Variants in GJA3 observed in about 807,000 individuals in gnomAD.
GJA3 encodes gap junction alpha-3 protein.
For missense variants in GJA3, 571 were observed against 620.3 expected (o/e 0.92, Z 0.84); for synonymous variants, 297 against 292.6 (o/e 1.02, Z -0.15).
At chr13:20,152,154 A>C (rs1033435134) in intron 1 of GJA3, among the ~76,000 whole-genome samples, 11 of 152,086 alleles carry the variant, frequency 7.2e-5, no homozygotes, top group Admixed American at 4.6e-4. Flanking sequence ...GTTGTCACCA[A>C]GTGGCCCTGG....
chr13:20,156,429 C>T (rs913010931), intron 1 of GJA3, among the ~76,000 whole-genome samples: 6 of 152,154 alleles, frequency 3.9e-5, no homozygotes, highest in Admixed American at 6.6e-5. Flanking sequence ...GCCTCATCCT[C>T]CCAAGTAGCT....
In GJA3 at chr13:20,148,681, C is replaced by T. The variant is rs114960146; in HGVS notation, c.-17-5376G>A. 8.1e-3 allele frequency among the ~76,000 whole-genome samples: 1,232 copies of T among 152,332 alleles called. 14 individuals carry two copies. The highest frequency in any genetic ancestry group is 0.027 in the African/African-American group (1,111 of 41,564). On this transcript the variant is annotated intron_variant, in intron 1 of 1. Transcript: ENST00000241125. ...AGGCAGAGGATGAGAGAAGGTATGC[C>T]AGGACTGACAGAGGCTGAGGTCAGG...
rs746511873 is a variant in GJA3 at position 20,142,634 on chromosome 13, T to C, written c.655A>G (p.Met219Val). ...CAGCCCAGGTGGTAGATCTCCAGCA[T>C]GTTGAGCAGCAGGGACGCGCAGGCC... ...AVACASLLLN[M>V]LEIYHLGWKK... Residue 219 changes from methionine (M) to valine (V), a missense_variant, in exon 2 of 2, where the codon ATG (methionine) becomes GTG (valine). Transcript: ENST00000241125. The C allele has an allele frequency of 1.2e-5, 20 of 1,613,232 alleles. No homozygotes were observed. In the Admixed American group the frequency reaches 3.0e-4, roughly 24 times the overall value.
chr13:20,152,438 G>A (rs1958884050), intron 1 of GJA3, among the ~76,000 whole-genome samples: 1 of 152,100 alleles, frequency 6.6e-6, no homozygotes, highest in Admixed American at 6.5e-5. Flanking sequence ...AGGCTGGAGT[G>A]CAGTGGTACA....
intron 1 of GJA3, among the ~76,000 whole-genome samples, chr13:20,144,122 A>G (rs1382536056): frequency 1.3e-5 from 2 of 152,196 alleles, no homozygotes; most frequent in African/African-American, 2.4e-5. Context: ...CACTATTAGG[A>G]TAGAAACAGA....
chr13:20,141,838 C>T lies in GJA3; in HGVS notation c.*143G>A, dbSNP rs1423607434. The T allele has an allele frequency of 2.5e-6, 3 of 1,221,098 alleles. No homozygotes were observed. Among genetic ancestry groups the T allele is most frequent in the Non-Finnish European group, 2.3e-6 (2 of 876,304 alleles). 75.6% of individuals were successfully genotyped at this position (1,221,098 alleles called of 1,614,324 possible). ...CATTGAACACGGAAACCTGATCTCT[C>T]CTCCATCGTCCACCTCCTGGGACTC... On this transcript the variant is annotated 3_prime_UTR_variant, in exon 2 of 2. Coordinates refer to ENST00000241125, the MANE Select transcript of GJA3 (RefSeq NM_021954.4).
rs1187135572 is a variant in GJA3, at chr13:20,142,910, G to C, written c.379C>G (p.Gln127Glu). 1 of 1,586,682 alleles carries C rather than the reference G, an allele frequency of 6.3e-7. No homozygotes were observed. ...RESPSPKEPP[Q>E]DNPSSRDDRG... is the part of the protein sequence containing the mutation. ...TCGTCCCGCGACGAGGGATTGTCCTGCGGTGGCTCCTTGGGGCTGGGGCTC... is the reference window on the plus strand; with the variant it reads ...TCGTCCCGCGACGAGGGATTGTCCTCCGGTGGCTCCTTGGGGCTGGGGCTC... Residue 127 changes from glutamine to glutamate, a missense_variant, in exon 2 of 2, where the codon CAG (glutamine) becomes GAG (glutamate). Physicochemically the swap from Gln to Glu is conservative, Grantham distance 29 (BLOSUM62 2). Coordinates refer to ENST00000241125, the MANE Select transcript of GJA3 (RefSeq NM_021954.4).
intron 1 of GJA3, among the ~76,000 whole-genome samples, chr13:20,143,886 A>G (rs1261771591): frequency 3.3e-5 from 5 of 152,242 alleles, no homozygotes; most frequent in African/African-American, 4.8e-5. Flanking sequence ...TTTAAGAGTA[A>G]ATATATTCCA....
intron 1 of GJA3, among the ~76,000 whole-genome samples, chr13:20,159,965 C>T (rs1958927834): frequency 6.6e-6 from 1 of 152,120 alleles, no homozygotes; most frequent in African/African-American, 2.4e-5. Context: ...TTTTTAATTC[C>T]TGGGTGATGA....
chr13:20,139,921 G>A lies in GJA3; in HGVS notation c.*2060C>T, dbSNP rs1958797551. 1.3e-5 allele frequency: 2 copies of A among 152,182 alleles called. No individual in the cohort carries two copies. Among genetic ancestry groups the A allele is most frequent in the Admixed American group, 1.3e-4 (2 of 15,286 alleles). The allele number at this position is 152,182 out of a possible 1,614,324, so 9.4% of individuals were successfully genotyped here. On this transcript the variant is annotated 3_prime_UTR_variant, in exon 2 of 2. Transcript: ENST00000241125. ...CAAGTATTGACATCCACTTGTACTT[G>A]AGCTGTACTTGTGCTCTTGGATGAT... is the stretch of plus-strand genomic sequence containing the variant.
intron 1 of GJA3, among the ~76,000 whole-genome samples, chr13:20,155,645 A>G (rs78351622): frequency 0.036 from 5,408 of 151,714 alleles, 198 homozygotes; most frequent in Admixed American, 0.12. Context: ...TTGTTAATGA[A>G]CCAACTTTGA....
chr13:20,150,687 TC>T (rs1233234126), intron 1 of GJA3, among the ~76,000 whole-genome samples: 1 of 151,916 alleles, frequency 6.6e-6, no homozygotes, highest in African/African-American at 2.4e-5. Flanking sequence ...CTCGATGCGA[TC>T]CCAGGCGGGG....
At chr13:20,152,668 C>A (rs2141143731) in intron 1 of GJA3, among the ~76,000 whole-genome samples, 1 of 152,256 alleles carries the variant, frequency 6.6e-6, no homozygotes, top group South Asian at 2.1e-4. Context: ...ATGAGAGCTA[C>A]CACGCCTAGT....
In GJA3 at chr13:20,142,018, C is replaced by G. The variant is rs758996859; in HGVS notation, c.1271G>C (p.Ser424Thr). Residue 424 changes from serine (S) to threonine (T), a missense_variant, in exon 2 of 2, where the codon AGC (serine) becomes ACC (threonine). Coordinates refer to ENST00000241125, the MANE Select transcript of GJA3 (RefSeq NM_021954.4). Reference sequence around the variant, plus strand: ...GTCCTCCGGTCTGGCCCGCCCGCTGCTGGCCCTGCTGGCCTTGCTGGCCCG... The same window carrying G: ...GTCCTCCGGTCTGGCCCGCCCGCTGGTGGCCCTGCTGGCCTTGCTGGCCCG... ...PGRASKASRA[S>T]SGRARPEDLA... is the part of the protein sequence containing the mutation. 3 of 1,550,422 alleles carry G rather than the reference C, an allele frequency of 1.9e-6. No homozygotes were observed. The South Asian group carries it at 3.6e-5, about 18-fold the overall frequency.
chr13:20,160,194 C>T (rs1416554810), intron 1 of GJA3, among the ~76,000 whole-genome samples: 1 of 152,146 alleles, frequency 6.6e-6, no homozygotes, highest in Non-Finnish European at 1.5e-5. Context: ...AAGTCTCCTA[C>T]GGGAAGGGGC....
At chr13:20,154,416 T>C (rs1958896760) in intron 1 of GJA3, among the ~76,000 whole-genome samples, 1 of 152,220 alleles carries the variant, frequency 6.6e-6, no homozygotes, top group African/African-American at 2.4e-5. Flanking sequence ...TATGTTGATA[T>C]TGTATCCAGC....
At chr13:20,149,138 A>T (rs1958861571) in intron 1 of GJA3, among the ~76,000 whole-genome samples, 2 of 152,022 alleles carry the variant, frequency 1.3e-5, no homozygotes, top group African/African-American at 4.8e-5. Flanking sequence ...ATCAATGGCT[A>T]TTTCCTCAGT....
intron 1 of GJA3, among the ~76,000 whole-genome samples, chr13:20,147,445 C>T (rs1958849510): frequency 6.6e-6 from 1 of 152,070 alleles, no homozygotes. Flanking sequence ...TATAAAGTAG[C>T]CATTAGATGT....
At position 20,140,332 on chromosome 13, in the gene GJA3, C is replaced by T. The variant is rs1958800063; in HGVS notation, c.*1649G>A. 1 of 152,170 alleles carries T rather than the reference C, an allele frequency of 6.6e-6. No individual in the cohort carries two copies. Among genetic ancestry groups the T allele is most frequent in the African/African-American group, 2.4e-5 (1 of 41,440 alleles). The allele number at this position is 152,170 out of a possible 1,614,324, so 9.4% of individuals were successfully genotyped here. On this transcript the variant is annotated 3_prime_UTR_variant, in exon 2 of 2. Coordinates refer to ENST00000241125, the MANE Select transcript of GJA3 (RefSeq NM_021954.4). Reference sequence around the variant, plus strand: ...TTTGACTGACATGAAAAACTAGTTGCATGCAAGAATCTGAGACTTGGAAAT... The same window carrying T: ...TTTGACTGACATGAAAAACTAGTTGTATGCAAGAATCTGAGACTTGGAAAT...
Sources: gnomAD v4.1 joint callset for allele counts (sites outside exome capture counted in the v4.1 genomes callset) on GRCh38, gnomAD v4.1.1 for gene constraint, MANE v1.5 for transcripts, NCBI Gene and HGNC (gene_info 2026-07-23, HGNC 2026-07-21) for gene names.